The following HS6ST2 variants were observed in gnomAD, a reference collection of about 807,000 sequenced individuals.
HS6ST2 encodes the protein heparan-sulfate 6-O-sulfotransferase 2.
In HS6ST2, 17 loss-of-function variants were observed where a neutral mutation model predicts 33.0. The ratio of observed to expected loss-of-function variants is 0.52; its 90% CI spans 0.35 to 0.77. HS6ST2 has a LOEUF of 0.77. Ranked by LOEUF, HS6ST2 falls within the 30% of genes least tolerant of loss-of-function variation. HS6ST2 has a pLI of 0.01. For missense variants in HS6ST2, 519 were observed against 551.7 expected, an observed-to-expected ratio of 0.94 and a Z score of 0.59; for synonymous variants, 248 against 237.1, an observed-to-expected ratio of 1.05 and a Z score of -0.42.
At position 132,804,799 on chromosome X, in the gene HS6ST2, AAAATAAAT is replaced by A. The variant is rs953381924; in HGVS notation, c.948-96313_948-96306del. On this transcript the variant is annotated intron_variant, in intron 2 of 4. Coordinates refer to ENST00000370833, the MANE Select transcript of HS6ST2 (RefSeq NM_001394073.1). The stretch of plus-strand genomic sequence containing the variant: ...GAGCAACAGAACAAGAACCTATGTC[AAAATAAAT>A]AAATAAATAAAGGAAAAAGACACAG... Among the ~76,000 whole-genome samples the A allele has an allele frequency of 2.7e-5, 3 of 111,246 alleles. No homozygotes were observed. In the Admixed American group the frequency reaches 2.9e-4, roughly 11 times the overall value.
intron 2 of HS6ST2, among the ~76,000 whole-genome samples, chrX:132,915,179 G>T (rs1406448151): frequency 8.9e-6 from 1 of 111,920 alleles, no homozygotes; most frequent in African/African-American, 3.2e-5. Context: ...TCGGCCATTA[G>T]CCCATTGTTA....
Position 132,764,702 on chromosome X carries a change from C to T in HS6ST2, c.948-56208G>A, listed in dbSNP as rs761342845. 2.4e-4 allele frequency among the ~76,000 whole-genome samples: 27 copies of T among 112,052 alleles called. 1 individual carries two copies. The South Asian group carries it at 8.7e-3, about 36-fold the overall frequency. On this transcript the variant is annotated intron_variant, in intron 2 of 4. Coordinates refer to ENST00000370833, the MANE Select transcript of HS6ST2 (RefSeq NM_001394073.1). ...TCCAGGCCAAGCTCAATCTTCCCTA[C>T]TTACCAAGTTAATGAACACCCACTC...
chrX:132,768,339 A>C (rs1407677815), intron 2 of HS6ST2, among the ~76,000 whole-genome samples: 1 of 107,520 alleles, frequency 9.3e-6, no homozygotes, highest in Admixed American at 1.0e-4. Flanking sequence ...CTGTCTCAAA[A>C]AAAAAAAAAA....
intron 2 of HS6ST2, among the ~76,000 whole-genome samples, chrX:132,782,742 A>C (rs1432301364): frequency 9.0e-6 from 1 of 111,353 alleles, no homozygotes; most frequent in Non-Finnish European, 1.9e-5. Flanking sequence ...GAGCTGGTAC[A>C]CCTATGAAAA....
intron 2 of HS6ST2, among the ~76,000 whole-genome samples, chrX:132,817,077 A>AAT (rs2065401625): frequency 1.8e-5 from 2 of 111,253 alleles, no homozygotes; most frequent in Non-Finnish European, 3.8e-5. Context: ...CACTCTTCAC[A>AAT]ATCACAGCCA....
At chrX:132,894,478 ATGT>A (rs2066352610) in intron 2 of HS6ST2, among the ~76,000 whole-genome samples, 2 of 80,826 alleles carry the variant, frequency 2.5e-5, no homozygotes, top group Non-Finnish European at 4.3e-5. Context: ...TTGTTATGTT[ATGT>A]TATGTTATGT....
intron 2 of HS6ST2, among the ~76,000 whole-genome samples, chrX:132,799,557 T>A (rs2065215892): frequency 3.7e-5 from 4 of 109,512 alleles, no homozygotes. Context: ...TTTTTTGCAT[T>A]TTTTGGTAGA....
chrX:132,795,166 G>A (rs2065164123), intron 2 of HS6ST2, among the ~76,000 whole-genome samples: 1 of 111,594 alleles, frequency 9.0e-6, no homozygotes, highest in African/African-American at 3.3e-5. Flanking sequence ...GGATGGTGCT[G>A]AAGTCTTTCC....
At chrX:132,930,455 G>A (rs1187965861) in intron 2 of HS6ST2, among the ~76,000 whole-genome samples, 1 of 111,356 alleles carries the variant, frequency 9.0e-6, no homozygotes, top group Non-Finnish European at 1.9e-5. Context: ...ATGAGCTACT[G>A]CGCCCAGCCA....
At chrX:132,764,513 T>C (rs1602652009) in intron 2 of HS6ST2, among the ~76,000 whole-genome samples, 1 of 111,820 alleles carries the variant, frequency 8.9e-6, no homozygotes, top group East Asian at 2.8e-4. Context: ...GGGGACCAAA[T>C]CCCTGTTCTA....
At chrX:132,865,024 T>C in intron 2 of HS6ST2, among the ~76,000 whole-genome samples, 1 of 110,609 alleles carries the variant, frequency 9.0e-6, no homozygotes, top group Middle Eastern at 4.6e-3. Flanking sequence ...ATGTGCACCA[T>C]GTGCAGCTTA....
rs146765404 is a variant in HS6ST2, at chrX:132,704,821, C to T, written c.980+3641G>A. Among the ~76,000 whole-genome samples, 394 of 111,987 alleles carry T rather than the reference C, an allele frequency of 3.5e-3. 3 individuals are homozygous for T. The highest frequency in any genetic ancestry group is 0.012 in the African/African-American group (371 of 30,819). On this transcript the variant is annotated intron_variant, in intron 3 of 4. Transcript: ENST00000370833. ...AACTTAGACCACTGTTACTTCTGCT[C>T]AGACTAATGCTCCATACTTGTGCCT...
At chrX:132,921,072 T>C (rs1286455447) in intron 2 of HS6ST2, among the ~76,000 whole-genome samples, 1 of 112,232 alleles carries the variant, frequency 8.9e-6, no homozygotes, top group Non-Finnish European at 1.9e-5. Context: ...ATTGCAATAA[T>C]CTCTGCAGTG....
intron 2 of HS6ST2, among the ~76,000 whole-genome samples, chrX:132,822,988 G>C (rs1303769629): frequency 1.8e-5 from 2 of 112,679 alleles, no homozygotes; most frequent in Non-Finnish European, 3.7e-5. Flanking sequence ...CTGCCACAAG[G>C]CCCATGGAAC....
intron 4 of HS6ST2, among the ~76,000 whole-genome samples, chrX:132,645,545 A>T (rs1235863048): frequency 8.9e-6 from 1 of 112,341 alleles, no homozygotes; most frequent in Non-Finnish European, 1.9e-5. Context: ...TTGTTCCCCT[A>T]TCCCACCTCC....
intron 2 of HS6ST2, among the ~76,000 whole-genome samples, chrX:132,718,865 GTCTCTC>G (rs201499423): frequency 4.7e-5 from 5 of 107,082 alleles, no homozygotes; most frequent in Admixed American, 1.0e-4. Flanking sequence ...GACAGATCAG[GTCTCTC>G]TCTCTCTCTC....
intron 2 of HS6ST2, among the ~76,000 whole-genome samples, chrX:132,792,071 G>A: frequency 8.9e-6 from 1 of 112,257 alleles, no homozygotes; most frequent in Non-Finnish European, 1.9e-5. Flanking sequence ...CTGCATTGTT[G>A]TAGAAGAAAC....
rs369612413 is a variant in HS6ST2, at chrX:132,771,442, A to T, written c.948-62948T>A. Among the ~76,000 whole-genome samples the T allele has an allele frequency of 5.2e-4, 58 of 112,282 alleles. No individual in the cohort carries two copies. The South Asian group carries it at 0.02, about 38-fold the overall frequency. On this transcript the variant is annotated intron_variant, in intron 2 of 4. Coordinates refer to ENST00000370833, the MANE Select transcript of HS6ST2 (RefSeq NM_001394073.1). ...TAAAGAGAAAAATGTGAGTGAGAAA[A>T]GCAAGAACTATCTGGAGAACCTGGA...
chrX:132,872,610 C>T (rs182497934), intron 2 of HS6ST2, among the ~76,000 whole-genome samples: 1 of 111,704 alleles, frequency 9.0e-6, no homozygotes, highest in East Asian at 2.8e-4. Flanking sequence ...TAACAGATCC[C>T]TTAATGTGAT....
Sources: gnomAD v4.1 joint callset for allele counts (sites outside exome capture counted in the v4.1 genomes callset) on GRCh38, gnomAD v4.1.1 for gene constraint, MANE v1.5 for transcripts, NCBI Gene and HGNC (gene_info 2026-07-23, HGNC 2026-07-21) for gene names.